CBLB: variants seen among roughly 807,000 people sequenced by gnomAD.
CBLB encodes the protein Cbl proto-oncogene B.
A neutral mutation model predicts 104.9 loss-of-function variants in CBLB; 31 were observed. That is an observed-to-expected ratio of 0.30 (90% CI 0.22 to 0.40). The LOEUF is 0.40. Among genes scored for constraint, CBLB ranks in the 10% least tolerant of loss-of-function variants. The pLI is 1.00. For synonymous variants in CBLB, 440 were observed against 422.6 expected (o/e 1.04, Z -0.51); for missense variants, 1,062 against 1,214.6 (o/e 0.87, Z 1.87).
intron 7 of CBLB, among the ~76,000 whole-genome samples, chr3:105,738,788 T>C (rs1228009095): frequency 6.6e-6 from 1 of 152,036 alleles, no homozygotes; most frequent in Non-Finnish European, 1.5e-5. Context: ...AAGGTATAAA[T>C]AACCGACACT....
At position 105,820,084 on chromosome 3, in the gene CBLB, G is replaced by A. The variant is rs190174818; in HGVS notation, c.419+33330C>T. ...TGAACTTGTTTTCCTGAAACTAGAT[G>A]GTCCCATCTGGGGGTGATGGGACAC... On this transcript the variant is annotated intron_variant, in intron 3 of 18. Coordinates refer to ENST00000394030, the MANE Select transcript of CBLB (RefSeq NM_170662.5). Among the ~76,000 whole-genome samples, 16 of 152,182 alleles carry A rather than the reference G, an allele frequency of 1.1e-4. No homozygotes were observed. The East Asian group carries it at 1.2e-3, about 11-fold the overall frequency.
At chr3:105,813,386 T>C (rs923368519) in intron 3 of CBLB, among the ~76,000 whole-genome samples, 5 of 152,130 alleles carry the variant, frequency 3.3e-5, no homozygotes, top group African/African-American at 7.2e-5. Context: ...TCTAAGTTAT[T>C]AGTAAATAAA....
In CBLB at chr3:105,751,602, T is replaced by G; in HGVS notation, c.583A>C (p.Lys195Gln). The G allele has an allele frequency of 1.9e-6, 3 of 1,613,514 alleles. No individual in the cohort carries two copies. Among genetic ancestry groups the G allele is most frequent in the Non-Finnish European group, 2.5e-6 (3 of 1,179,504 alleles). ...FFGDKTIVPW[K>Q]VFRQCLHEVH... The stretch of plus-strand genomic sequence containing the variant: ...TCATGAAGGCACTGTCTGAATACTT[T>G]CCATGGTACGATAGTTCTGTGCAAG... The change falls in exon 5 of 19, where the codon AAA becomes CAA. Residue 195 changes from lysine to glutamine, a missense_variant. By Grantham distance (53) the Lys-to-Gln change is moderately conservative. Around this residue, in one of 2 missense-constraint regions of CBLB, gnomAD observed 457 missense variants for 632.0 expected, o/e 0.72. Coordinates refer to ENST00000394030, the MANE Select transcript of CBLB (RefSeq NM_170662.5).
chr3:105,859,400 C>T (rs2091903539), intron 2 of CBLB, among the ~76,000 whole-genome samples: 1 of 152,144 alleles, frequency 6.6e-6, no homozygotes, highest in Non-Finnish European at 1.5e-5. Flanking sequence ...GCCTGTAATC[C>T]CAGCACTTTG....
At chr3:105,670,407 A>G in intron 17 of CBLB, 55 bp from the exon 18 acceptor site, 3 of 1,437,660 alleles carry the variant, frequency 2.1e-6, no homozygotes, top group Non-Finnish European at 2.9e-6. Context: ...TGATTGGCTG[A>G]AGAAAAAAAT....
intron 18 of CBLB, among the ~76,000 whole-genome samples, chr3:105,666,041 A>G (rs905772397): frequency 1.3e-5 from 2 of 151,730 alleles, no homozygotes; most frequent in Admixed American, 1.3e-4. Context: ...AAAAAAAATT[A>G]TATATCTGTC....
intron 3 of CBLB, among the ~76,000 whole-genome samples, chr3:105,797,041 C>A (rs2082326337): frequency 6.6e-6 from 1 of 152,168 alleles, no homozygotes; most frequent in Non-Finnish European, 1.5e-5. Context: ...ACTCAAAGTA[C>A]TTAAAACAGA....
Position 105,781,804 on chromosome 3 carries a change from G to A in CBLB, c.420-5262C>T, listed in dbSNP as rs187066859. On this transcript the variant is annotated intron_variant, in intron 3 of 18. Transcript: ENST00000394030. ...ATGTGCTGCTTTTGGTAGAAGAAAT[G>A]GGAGGTGATACTTTTACCCAAAAAC... Among the ~76,000 whole-genome samples the A allele has an allele frequency of 4.1e-4, 62 of 152,276 alleles. 2 individuals are homozygous for A. Among genetic ancestry groups the A allele is most frequent in the Admixed American group, 4.1e-3 (62 of 15,298 alleles).
chr3:105,656,031 A>AG lies in CBLB; in HGVS notation c.*2938dup, dbSNP rs2063318517. 4.4e-6 allele frequency: 1 copy of AG among 227,762 alleles called. No individual in the cohort carries two copies. Among genetic ancestry groups the AG allele is most frequent in the East Asian group, 6.3e-5 (1 of 15,886 alleles). The allele number at this position is 227,762 out of a possible 1,614,324, so 14.1% of individuals were successfully genotyped here. A position where few individuals can be genotyped will look rare whatever the true frequency, so the allele number is the denominator to read the frequency against. On this transcript the variant is annotated 3_prime_UTR_variant, in exon 19 of 19. Transcript: ENST00000394030. ...GGCAAAAGGGAAACAGAGAGGGAAGAGCTGAAGGTTGTATTTGTGGAAGGA... is the reference window on the plus strand; with the variant it reads ...GGCAAAAGGGAAACAGAGAGGGAAGAGGCTGAAGGTTGTATTTGTGGAAGGA...
At chr3:105,846,021 T>C (rs2090197979) in intron 3 of CBLB, among the ~76,000 whole-genome samples, 1 of 152,096 alleles carries the variant, frequency 6.6e-6, no homozygotes, top group Admixed American at 6.6e-5. Flanking sequence ...AGATAAAAAT[T>C]ATTATTTTGA....
chr3:105,662,648 T>C (rs1376016886), intron 18 of CBLB, among the ~76,000 whole-genome samples: 1 of 152,146 alleles, frequency 6.6e-6, no homozygotes, highest in Non-Finnish European at 1.5e-5. Flanking sequence ...CACTAAGGAG[T>C]AAAATATAAA....
chr3:105,658,791 G>A lies in CBLB; in HGVS notation c.*179C>T, dbSNP rs1377326518. On this transcript the variant is annotated 3_prime_UTR_variant, in exon 19 of 19. Coordinates refer to ENST00000394030, the MANE Select transcript of CBLB (RefSeq NM_170662.5). The stretch of plus-strand genomic sequence containing the variant: ...GGCTAGCAAAAACAAGGAAGCCACA[G>A]CTGTCGACATCCTGAGCAAGCATCG... The A allele has an allele frequency of 4.6e-6, 3 of 647,388 alleles. No homozygotes were observed. In the African/African-American group the frequency reaches 5.4e-5, roughly 12 times the overall value. The allele number at this position is 647,388 out of a possible 1,614,324, so 40.1% of individuals were successfully genotyped here.
chr3:105,841,709 T>G (rs1437945312), intron 3 of CBLB, among the ~76,000 whole-genome samples: 1 of 152,008 alleles, frequency 6.6e-6, no homozygotes. Flanking sequence ...CACCTCAGCC[T>G]CCCAAAGTGC....
intron 9 of CBLB, among the ~76,000 whole-genome samples, chr3:105,720,987 A>G (rs1458800033): frequency 6.6e-6 from 1 of 152,216 alleles, no homozygotes; most frequent in Non-Finnish European, 1.5e-5. Context: ...AGTTTCCTAC[A>G]TTCATTTCTC....
intron 3 of CBLB, among the ~76,000 whole-genome samples, chr3:105,844,161 G>A (rs2089941835): frequency 6.6e-6 from 1 of 152,152 alleles, no homozygotes; most frequent in South Asian, 2.1e-4. Context: ...GGAATTCCTG[G>A]AGCTACCAGA....
chr3:105,749,931 C>T (rs993681365), intron 5 of CBLB, among the ~76,000 whole-genome samples: 4 of 151,896 alleles, frequency 2.6e-5, no homozygotes, highest in Non-Finnish European at 5.9e-5. Flanking sequence ...CAAAAGCACA[C>T]TTTCATCAGT....
At chr3:105,772,999 A>G (rs979838567) in intron 4 of CBLB, among the ~76,000 whole-genome samples, 1 of 152,222 alleles carries the variant, frequency 6.6e-6, no homozygotes, top group Admixed American at 6.5e-5. Context: ...AAGAACTAAA[A>G]GTAGAACTGC....
At chr3:105,868,139 T>G in intron 1 of CBLB, 10 of 1,070,490 alleles carry the variant, frequency 9.3e-6, no homozygotes, top group Non-Finnish European at 1.2e-5. Context: ...TGTCCCACAC[T>G]AAAACCACCA....
intron 16 of CBLB, among the ~76,000 whole-genome samples, chr3:105,679,364 A>G (rs975152587): frequency 2.0e-5 from 3 of 148,140 alleles, no homozygotes; most frequent in African/African-American, 7.5e-5. Context: ...AAAAAAAAGC[A>G]CATGTTTGGT....
Sources: allele counts gnomAD v4.1 joint callset (sites outside exome capture counted in the v4.1 genomes callset), GRCh38; gene constraint gnomAD v4.1.1; regional missense constraint gnomAD v4.1.1; transcripts MANE v1.5; gene names NCBI Gene and HGNC (gene_info 2026-07-23, HGNC 2026-07-21).